Variants in DLGAP4 observed in about 807,000 individuals in gnomAD.
DLGAP4 encodes disks large-associated protein 4.
In DLGAP4, 18 loss-of-function variants were observed where a neutral mutation model predicts 86.9. That is an observed-to-expected ratio of 0.21 (90% CI 0.14 to 0.31). The LOEUF is 0.31. Among genes scored for constraint, DLGAP4 ranks in the 10% least tolerant of loss-of-function variants. DLGAP4 has a pLI of 1.00. For synonymous variants in DLGAP4, 548 were observed against 574.3 expected (o/e 0.95, Z 0.65); for missense variants, 1,085 against 1,362.6 (o/e 0.80, Z 3.21).
chr20:36,391,072 C>T (rs555767493), intron 2 of DLGAP4, among the ~76,000 whole-genome samples: 1 of 152,314 alleles, frequency 6.6e-6, no homozygotes, highest in East Asian at 1.9e-4. Flanking sequence ...CCTTCTCCCC[C>T]TTTAAATGCT....
chr20:36,368,517 A>G (rs939348054), intron 2 of DLGAP4, among the ~76,000 whole-genome samples: 2 of 152,186 alleles, frequency 1.3e-5, no homozygotes, highest in African/African-American at 4.8e-5. Context: ...ATGACTAACC[A>G]TGAAAAGGGC....
At chr20:36,336,928 C>T (rs539051706) in intron 1 of DLGAP4, among the ~76,000 whole-genome samples, 97 of 152,372 alleles carry the variant, frequency 6.4e-4, no homozygotes, top group East Asian at 1.9e-4. Context: ...TCTCCCATCT[C>T]AGCCCCCTCT....
intron 7 of DLGAP4, among the ~76,000 whole-genome samples, chr20:36,467,610 C>CA (rs2034475177): frequency 6.6e-6 from 1 of 152,194 alleles, no homozygotes; most frequent in South Asian, 2.1e-4. Flanking sequence ...GGAGGCTTTG[C>CA]AGGCATCCAG....
Position 36,306,510 on chromosome 20 carries a change from C to T in DLGAP4, c.-306C>T. ...CCGGAGGCGGCCGAGGCGCCCGGCGCAGGTGAGGGCGCGGGGGTGGCGCGC... is the reference window on the plus strand; with the variant it reads ...CCGGAGGCGGCCGAGGCGCCCGGCGTAGGTGAGGGCGCGGGGGTGGCGCGC... On this transcript the variant is annotated splice_region_variant and 5_prime_UTR_variant, in exon 1 of 13. Coordinates refer to ENST00000339266, the MANE Select transcript of DLGAP4 (RefSeq NM_001365621.2). This position sits in a 1 kb window ranked among gnomAD's most constrained non-coding sequence, Gnocchi z 4.9. 6.6e-6 allele frequency: 1 copy of T among 151,668 alleles called. No individual in the cohort carries two copies. Among genetic ancestry groups the T allele is most frequent in the South Asian group, 1.8e-4 (1 of 5,498 alleles). 9.4% of individuals were successfully genotyped at this position (151,668 alleles called of 1,614,324 possible).
chr20:36,430,674 GCCAGGCATGGTGGC>G, intron 2 of DLGAP4, among the ~76,000 whole-genome samples: 1 of 138,750 alleles, frequency 7.2e-6, no homozygotes, highest in Admixed American at 7.3e-5. Context: ...AAAAAAAAAG[GCCAGGCATGGTGGC>G]TCATGCCTGT....
At chr20:36,382,501 T>G in intron 2 of DLGAP4, among the ~76,000 whole-genome samples, 1 of 151,372 alleles carries the variant, frequency 6.6e-6, no homozygotes, top group South Asian at 2.1e-4. Flanking sequence ...TTTTTCTCTT[T>G]CTTTTCTTTC....
intron 1 of DLGAP4, among the ~76,000 whole-genome samples, chr20:36,343,483 G>C (rs1600416261): frequency 6.6e-6 from 1 of 152,144 alleles, no homozygotes. Flanking sequence ...ACCCAACTTG[G>C]AAGGAGCAGA....
chr20:36,314,076 G>C (rs947925922), intron 1 of DLGAP4, among the ~76,000 whole-genome samples: 1 of 152,056 alleles, frequency 6.6e-6, no homozygotes, highest in Non-Finnish European at 1.5e-5. Flanking sequence ...TGCCACCTCG[G>C]GGTGTGAGGG....
chr20:36,446,777 G>A lies in DLGAP4; in HGVS notation c.1488G>A (p.Glu496=). 3 of 1,612,872 alleles carry A rather than the reference G, an allele frequency of 1.9e-6. No homozygotes were observed. Among genetic ancestry groups the A allele is most frequent in the South Asian group, 1.1e-5 (1 of 90,988 alleles). ...GTGAAGCGGAGTCCACAGCGGCAGA[G>A]ACGCTTGACTTGCCACTGCCCAGCT... ...ACSEAESTAA[E]TLDLPLPSYF... Residue 496 remains glutamate, a synonymous_variant, in exon 7 of 13, where the codon GAG becomes GAA. Transcript: ENST00000339266.
rs1378833730 is a variant in DLGAP4, at chr20:36,327,768, T to G, written c.-304+21256T>G. ...CACTACGCCCGGCTAATTTTTTGTATTTTTAGTAGAGACGGGGTTTCACCG... is the reference window on the plus strand; with the variant it reads ...CACTACGCCCGGCTAATTTTTTGTAGTTTTAGTAGAGACGGGGTTTCACCG... On this transcript the variant is annotated intron_variant, in intron 1 of 12. Coordinates refer to ENST00000339266, the MANE Select transcript of DLGAP4 (RefSeq NM_001365621.2). 2.1e-4 allele frequency among the ~76,000 whole-genome samples: 31 copies of G among 148,598 alleles called. No individual in the cohort carries two copies. The South Asian group carries it at 5.9e-3, about 28-fold the overall frequency.
At chr20:36,333,714 G>C (rs2065293363) in intron 1 of DLGAP4, among the ~76,000 whole-genome samples, 1 of 152,220 alleles carries the variant, frequency 6.6e-6, no homozygotes, top group African/African-American at 2.4e-5. Flanking sequence ...GGTCTTCCTG[G>C]CTGGGTCTGC....
chr20:36,391,336 G>A (rs571846959), intron 2 of DLGAP4, among the ~76,000 whole-genome samples: 1 of 152,226 alleles, frequency 6.6e-6, no homozygotes, highest in African/African-American at 2.4e-5. Context: ...TAATTCTCCA[G>A]GCCATGCGAT....
chr20:36,496,936 C>T lies in DLGAP4; in HGVS notation c.1880C>T (p.Ala627Val). Residue 627 changes from alanine (A) to valine (V), a missense_variant, in exon 8 of 13, where the codon GCC becomes GTC. By Grantham distance (64) the Ala-to-Val change is moderately conservative. Around this residue, in one of 2 missense-constraint regions of DLGAP4, gnomAD observed 1,082 missense variants for 1,344.1 expected, o/e 0.81. Transcript: ENST00000339266. ...RPPSVTRGGV[A>V]PAPEAPEPPP... Reference sequence around the variant, plus strand: ...CCCAGCGTGACACGGGGTGGAGTCGCCCCAGCCCCTGAGGCCCCAGAGCCA... The same window carrying T: ...CCCAGCGTGACACGGGGTGGAGTCGTCCCAGCCCCTGAGGCCCCAGAGCCA... 1 of 1,614,150 alleles carries T rather than the reference C, an allele frequency of 6.2e-7. No homozygotes were observed. The highest frequency in any genetic ancestry group is 1.6e-4 in the Middle Eastern group (1 of 6,062).
intron 10 of DLGAP4, among the ~76,000 whole-genome samples, chr20:36,512,931 C>CT (rs57978491): frequency 0.086 from 2,025 of 23,514 alleles, 950 homozygotes; most frequent in Non-Finnish European, 0.14. Flanking sequence ...CTCAGAGGCC[C>CT]TTTTTTTTTT....
intron 2 of DLGAP4, among the ~76,000 whole-genome samples, chr20:36,411,756 C>G (rs1303180166): frequency 6.6e-6 from 1 of 152,196 alleles, no homozygotes; most frequent in African/African-American, 2.4e-5. Context: ...CCCTGTCTCC[C>G]TCAAAGCCCA....
rs148659950 is a variant in DLGAP4 at position 36,459,041 on chromosome 20, T to G, written c.1648+12104T>G. Among the ~76,000 whole-genome samples the G allele has an allele frequency of 8.5e-5, 13 of 152,196 alleles. No individual in the cohort carries two copies. The East Asian group carries it at 2.5e-3, about 29-fold the overall frequency. On this transcript the variant is annotated intron_variant, in intron 7 of 12. Transcript: ENST00000339266. ...GACAGGACAGTGACTATCTGGGAAG[T>G]TGGGAGAGGAGCATCTTCACCCCCC...
chr20:36,494,260 A>G (rs1275915346), intron 7 of DLGAP4, among the ~76,000 whole-genome samples: 1 of 152,200 alleles, frequency 6.6e-6, no homozygotes, highest in Non-Finnish European at 1.5e-5. Flanking sequence ...CACAAGGCAC[A>G]GCATCCAGTT....
At chr20:36,487,468 T>C (rs1214432804) in intron 7 of DLGAP4, among the ~76,000 whole-genome samples, 1 of 152,216 alleles carries the variant, frequency 6.6e-6, no homozygotes, top group African/African-American at 2.4e-5. Flanking sequence ...CCCAGGAAGC[T>C]GAGGATCCTG....
At chr20:36,494,345 T>C (rs1051325426) in intron 7 of DLGAP4, among the ~76,000 whole-genome samples, 1 of 152,210 alleles carries the variant, frequency 6.6e-6, no homozygotes, top group African/African-American at 2.4e-5. Context: ...TGATGAGGGC[T>C]CCTGGCTTTT....
Sources: allele counts gnomAD v4.1 joint callset (sites outside exome capture counted in the v4.1 genomes callset), GRCh38; gene constraint gnomAD v4.1.1; regional missense constraint gnomAD v4.1.1; non-coding constraint Gnocchi (gnomAD v3.1); transcripts MANE v1.5; gene names NCBI Gene and HGNC (gene_info 2026-07-23, HGNC 2026-07-21).